Variants in ARHGAP35 observed in about 807,000 individuals in gnomAD.
ARHGAP35 encodes rho GTPase-activating protein 35.
A neutral mutation model predicts 111.1 loss-of-function variants in ARHGAP35; 15 were observed. That is an observed-to-expected ratio of 0.13 (90% CI 0.09 to 0.21). ARHGAP35 has a LOEUF of 0.21. Among genes scored for constraint, ARHGAP35 ranks in the 10% least tolerant of loss-of-function variants. The pLI, the probability that ARHGAP35 is intolerant of heterozygous loss-of-function variation, is 1.00. For synonymous variants in ARHGAP35, 643 were observed against 710.3 expected (o/e 0.91, Z 1.51); for missense variants, 1,262 against 1,873.0 (o/e 0.67, Z 6.02).
In ARHGAP35 at chr19:46,945,347, C is replaced by T. The variant is rs1384873233; in HGVS notation, c.3826+7939C>T. ...GGCTCCTAATGACAGAGAACATTGG[C>T]CAAGCTCATCTGAGCTCTCTGATGC... On this transcript the variant is annotated intron_variant, in intron 3 of 6. Transcript: ENST00000672722. The surrounding 1 kb of genome is among the most constrained non-coding windows in gnomAD (Gnocchi z 4.1). Among the ~76,000 whole-genome samples the T allele has an allele frequency of 6.6e-6, 1 of 152,108 alleles. No individual in the cohort carries two copies. Among genetic ancestry groups the T allele is most frequent in the Non-Finnish European group, 1.5e-5 (1 of 68,006 alleles).
At chr19:46,964,430 A>G (rs754110188) in intron 3 of ARHGAP35, among the ~76,000 whole-genome samples, 2 of 151,064 alleles carry the variant, frequency 1.3e-5, no homozygotes, top group Non-Finnish European at 3.0e-5. Context: ...ACTTTTTAAA[A>G]TATGTTTCGT....
chr19:46,973,395 A>T (rs2056561892), intron 3 of ARHGAP35, among the ~76,000 whole-genome samples: 1 of 151,612 alleles, frequency 6.6e-6, no homozygotes, highest in South Asian at 2.1e-4. Flanking sequence ...TTAAAATGAA[A>T]AATTGGCCGG....
At position 46,922,192 on chromosome 19, in the gene ARHGAP35, A is replaced by C; in HGVS notation, c.3517A>C (p.Thr1173Pro). The change falls in exon 2 of 7, where the codon ACC becomes CCC. Residue 1173 changes from threonine (T) to proline (P), a missense_variant. Coordinates refer to ENST00000672722, the MANE Select transcript of ARHGAP35 (RefSeq NM_004491.5). The surrounding 1 kb of genome is among the most constrained non-coding windows in gnomAD (Gnocchi z 4.0). ...TRLGRFASYR[T>P]SFSVGSDDEL... ...GCTGGGGCGGTTTGCTAGTTACCGGACCAGCTTCAGCGTGGGGAGTGATGA... is the reference window on the plus strand; with the variant it reads ...GCTGGGGCGGTTTGCTAGTTACCGGCCCAGCTTCAGCGTGGGGAGTGATGA... 2 of 1,613,966 alleles carry C rather than the reference A, an allele frequency of 1.2e-6. No homozygotes were observed.
At chr19:46,971,366 G>A (rs1194909211) in intron 3 of ARHGAP35, among the ~76,000 whole-genome samples, 3 of 151,814 alleles carry the variant, frequency 2.0e-5, no homozygotes, top group Non-Finnish European at 2.9e-5. Context: ...AGCTCACGCC[G>A]CTGTACTCCA....
chr19:46,886,169 T>G (rs1055932508), intron 1 of ARHGAP35, among the ~76,000 whole-genome samples: 3 of 152,168 alleles, frequency 2.0e-5, no homozygotes, highest in Non-Finnish European at 2.9e-5. Context: ...TTCAAATGCC[T>G]CCTCTCTGTT....
chr19:46,879,244 C>T (rs1333500410), intron 1 of ARHGAP35, among the ~76,000 whole-genome samples: 1 of 152,074 alleles, frequency 6.6e-6, no homozygotes, highest in Non-Finnish European at 1.5e-5. Context: ...CATCTGAGGT[C>T]AGGAGTTGGA....
Position 46,921,493 on chromosome 19 carries a change from G to C in ARHGAP35, c.2818G>C (p.Asp940His). The change falls in exon 2 of 7, where the codon GAT (aspartate) becomes CAT (histidine). Residue 940 changes from aspartate (D) to histidine (H), a missense_variant. By Grantham distance (81) the Asp-to-His change is moderately conservative. Transcript: ENST00000672722. This position sits in a 1 kb window ranked among gnomAD's most constrained non-coding sequence, Gnocchi z 4.3. ...KLEIFHPFFKDVVEKKNIIEA... is the reference protein window; with the variant it reads ...KLEIFHPFFKHVVEKKNIIEA... ...TGAGATCTTTCACCCATTTTTTAAAGATGTGGTGGAAAAAAAGAACATAAT... is the reference window on the plus strand; with the variant it reads ...TGAGATCTTTCACCCATTTTTTAAACATGTGGTGGAAAAAAAGAACATAAT... 1.2e-6 allele frequency: 2 copies of C among 1,613,962 alleles called. No homozygotes were observed. Among genetic ancestry groups the C allele is most frequent in the Non-Finnish European group, 1.7e-6 (2 of 1,179,882 alleles).
chr19:46,862,342 C>G (rs1178924127), intron 1 of ARHGAP35, among the ~76,000 whole-genome samples: 1 of 152,140 alleles, frequency 6.6e-6, no homozygotes, highest in African/African-American at 2.4e-5. Context: ...TTTGGCACTC[C>G]TCTGAGCTAC....
chr19:46,868,928 CGTA>C lies in ARHGAP35; in HGVS notation c.-189+7722_-189+7724del, dbSNP rs202223660. On this transcript the variant is annotated intron_variant, in intron 1 of 6. Coordinates refer to ENST00000672722, the MANE Select transcript of ARHGAP35 (RefSeq NM_004491.5). ...TTTTTTTTTTTTTTTTTTTTGGTGA[CGTA>C]GTCTTGCTCTGTCACTCAGGCTGGA... is the stretch of plus-strand genomic sequence containing the variant. 5.2e-3 allele frequency among the ~76,000 whole-genome samples: 471 copies of C among 89,950 alleles called. 5 individuals carry two copies. The highest frequency in any genetic ancestry group is 0.02 in the African/African-American group (458 of 22,370). 59.0% of individuals were successfully genotyped at this position (89,950 alleles called of 152,430 possible). A position where few individuals can be genotyped will look rare whatever the true frequency, so the allele number is the denominator to read the frequency against.
intron 1 of ARHGAP35, among the ~76,000 whole-genome samples, chr19:46,909,653 A>G (rs540825052): frequency 6.6e-6 from 1 of 152,154 alleles, no homozygotes; most frequent in Non-Finnish European, 1.5e-5. Context: ...GAGTAAGTGT[A>G]TGTAGCCTAT....
chr19:46,925,185 A>G (rs765711881), intron 2 of ARHGAP35, among the ~76,000 whole-genome samples: 3 of 152,260 alleles, frequency 2.0e-5, no homozygotes, highest in Non-Finnish European at 4.4e-5. Flanking sequence ...TCCTCTGGAA[A>G]GAGTGACTAG....
At chr19:46,887,758 C>A in intron 1 of ARHGAP35, among the ~76,000 whole-genome samples, 1 of 152,028 alleles carries the variant, frequency 6.6e-6, no homozygotes, top group East Asian at 1.9e-4. Flanking sequence ...CCTCCCCGAC[C>A]GAACCAAAAA....
In ARHGAP35 at chr19:46,920,198, T is replaced by C; in HGVS notation, c.1523T>C (p.Leu508Pro). The C allele has an allele frequency of 1.9e-6, 3 of 1,613,940 alleles. No homozygotes were observed. The highest frequency in any genetic ancestry group is 1.1e-5 in the South Asian group (1 of 91,070). Residue 508 changes from leucine (L) to proline (P), a missense_variant, in exon 2 of 7, where the codon CTG (leucine) becomes CCG (proline). Leu to Pro is a moderately conservative substitution (Grantham distance 98). Around this residue, in one of 8 missense-constraint regions of ARHGAP35, gnomAD observed 328 missense variants for 440.8 expected, o/e 0.74. Coordinates refer to ENST00000672722, the MANE Select transcript of ARHGAP35 (RefSeq NM_004491.5). This position sits in a 1 kb window ranked among gnomAD's most constrained non-coding sequence, Gnocchi z 7.0. ...EYSELFYELE[L>P]DAKPSKEKMG... ...TCAGAATTGTTTTATGAACTGGAGC[T>C]GGATGCTAAGCCCAGCAAGGAGAAG...
At chr19:46,957,741 C>T (rs2056448883) in intron 3 of ARHGAP35, among the ~76,000 whole-genome samples, 1 of 152,190 alleles carries the variant, frequency 6.6e-6, no homozygotes, top group African/African-American at 2.4e-5. Context: ...TTGGTGCTGG[C>T]ATCAGAACAC....
Position 46,918,934 on chromosome 19 carries a change from G to A in ARHGAP35, c.259G>A (p.Val87Met), listed in dbSNP as rs1023598968. The change falls in exon 2 of 7, where the codon GTG (valine) becomes ATG (methionine). Residue 87 changes from valine (V) to methionine (M), a missense_variant. By Grantham distance (21) the Val-to-Met change is conservative. Around this residue, in one of 8 missense-constraint regions of ARHGAP35, gnomAD observed 125 missense variants for 301.7 expected, o/e 0.41. Coordinates refer to ENST00000672722, the MANE Select transcript of ARHGAP35 (RefSeq NM_004491.5). This position sits in a 1 kb window ranked among gnomAD's most constrained non-coding sequence, Gnocchi z 5.4. ...GEVSRSLEDC[V>M]ECKMHIVEQT... The stretch of plus-strand genomic sequence containing the variant: ...AGTTAGCCGCTCCCTGGAGGATTGT[G>A]TGGAATGTAAGATGCACATTGTGGA... 2 of 1,613,878 alleles carry A rather than the reference G, an allele frequency of 1.2e-6. No individual in the cohort carries two copies. Among genetic ancestry groups the A allele is most frequent in the African/African-American group, 2.7e-5 (2 of 74,906 alleles).
intron 1 of ARHGAP35, among the ~76,000 whole-genome samples, chr19:46,866,532 G>A (rs1420139845): frequency 6.6e-6 from 1 of 152,194 alleles, no homozygotes; most frequent in African/African-American, 2.4e-5. Flanking sequence ...CTAGTCTGAA[G>A]CCTGGAGTGC....
intron 1 of ARHGAP35, among the ~76,000 whole-genome samples, chr19:46,917,274 A>G (rs1228406103): frequency 6.6e-6 from 1 of 152,202 alleles, no homozygotes; most frequent in Non-Finnish European, 1.5e-5. Context: ...CACTTAGCAC[A>G]ATCAAGATTC....
chr19:46,866,707 T>C (rs2055859730), intron 1 of ARHGAP35, among the ~76,000 whole-genome samples: 1 of 152,192 alleles, frequency 6.6e-6, no homozygotes, highest in Non-Finnish European at 1.5e-5. Context: ...TAGGGGGCTC[T>C]TTCCCTGGGA....
chr19:46,936,985 G>A (rs759187887), intron 2 of ARHGAP35, among the ~76,000 whole-genome samples: 2 of 151,562 alleles, frequency 1.3e-5, no homozygotes, highest in African/African-American at 2.4e-5. Flanking sequence ...GATTACAGGC[G>A]CCCACCACTA....
Sources: gnomAD v4.1 joint callset for allele counts (sites outside exome capture counted in the v4.1 genomes callset) on GRCh38, gnomAD v4.1.1 for gene constraint, gnomAD v4.1.1 regional missense constraint, Gnocchi (gnomAD v3.1) non-coding constraint, MANE v1.5 for transcripts, NCBI Gene and HGNC (gene_info 2026-07-23, HGNC 2026-07-21) for gene names.